The following NLGN2 variants were observed in gnomAD, a reference collection of about 807,000 sequenced individuals.
NLGN2 encodes the protein neuroligin 2.
Under a neutral mutation model 48.6 loss-of-function variants are expected in NLGN2, and 11 were observed. That is an observed-to-expected ratio of 0.23 (90% CI 0.14 to 0.37). The LOEUF is 0.37. NLGN2 is among the 10% of genes least tolerant of loss of function. The probability of loss-of-function intolerance (pLI) is 1.00; values close to 1 mark genes in which losing one functional copy is unlikely to be tolerated. For missense variants in NLGN2, 801 were observed against 1,225.2 expected (o/e 0.65, Z 5.17); for synonymous variants, 548 against 550.0 (o/e 1.00, Z 0.05).
upstream of NLGN2, chr17:7,405,551 G>T (rs916993797): frequency 1.3e-5 from 2 of 152,148 alleles, no homozygotes; most frequent in Non-Finnish European, 2.9e-5. The surrounding 1 kb of genome is among the most constrained non-coding windows in gnomAD (Gnocchi z 6.8). Context: ...CCTCCCGAAG[G>T]CCTTTCGCCC....
Position 7,417,631 on chromosome 17 carries a change from G to C in NLGN2, c.2340G>C (p.Val780=). Residue 780 remains valine (V), a synonymous_variant, in exon 7 of 7, where the codon GTG becomes GTC. Coordinates refer to ENST00000302926, the MANE Select transcript of NLGN2 (RefSeq NM_020795.4). ...CCCTGCGCCGGGCACCGGACGATGT[G>C]CCTCTCTTGGCCCCCGGGGCCCTGA... is the stretch of plus-strand genomic sequence containing the variant. ...TLALRRAPDD[V]PLLAPGALTL... is the part of the protein sequence containing the mutation. The C allele has an allele frequency of 7.1e-7, 1 of 1,412,094 alleles. No individual in the cohort carries two copies. The highest frequency in any genetic ancestry group is 9.2e-7 in the Non-Finnish European group (1 of 1,092,612). 87.5% of individuals were successfully genotyped at this position (1,412,094 alleles called of 1,614,324 possible). A position where few individuals can be genotyped will look rare whatever the true frequency, so the allele number is the denominator to read the frequency against.
At position 7,415,037 on chromosome 17, in the gene NLGN2, G is replaced by A; in HGVS notation, c.926G>A (p.Arg309Gln). 1.9e-6 allele frequency: 3 copies of A among 1,613,412 alleles called. No individual in the cohort carries two copies. The highest frequency in any genetic ancestry group is 1.3e-5 in the African/African-American group (1 of 75,070). The change falls in exon 5 of 7, where the codon CGG (arginine) becomes CAG (glutamine). Residue 309 changes from arginine (R) to glutamine (Q), a missense_variant. Physicochemically the swap from Arg to Gln is conservative, Grantham distance 43. Around this residue, in one of 5 missense-constraint regions of NLGN2, gnomAD observed 303 missense variants for 600.1 expected, o/e 0.50. Coordinates refer to ENST00000302926, the MANE Select transcript of NLGN2 (RefSeq NM_020795.4). Reference protein sequence around the residue: ...SVNYQPLKYTRLLAAKVGCDR... With the variant: ...SVNYQPLKYTQLLAAKVGCDR... Reference sequence around the variant, plus strand: ...AACTACCAGCCGCTCAAGTACACGCGGCTGCTGGCAGCCAAGGTGGGCTGT... The same window carrying A: ...AACTACCAGCCGCTCAAGTACACGCAGCTGCTGGCAGCCAAGGTGGGCTGT...
chr17:7,415,186 G>T (rs756319395), intron 5 of NLGN2, 38 bp downstream of exon 5: 10 of 1,542,620 alleles, frequency 6.5e-6, no homozygotes, highest in Admixed American at 1.8e-5. Flanking sequence ...GGCCTTCAAG[G>T]TTCCAAGGAG....
At chr17:7,412,731 AT>A (rs1216418740) in intron 2 of NLGN2, among the ~76,000 whole-genome samples, 2 of 152,030 alleles carry the variant, frequency 1.3e-5, no homozygotes, top group Non-Finnish European at 2.9e-5. Flanking sequence ...GAATTTGACA[AT>A]TTTTTAAAAC....
At position 7,408,429 on chromosome 17, in the gene NLGN2, C is replaced by A; in HGVS notation, c.174C>A (p.Leu58=). Residue 58 remains leucine (L), a synonymous_variant, in exon 1 of 7, where the codon CTC becomes CTA. Coordinates refer to ENST00000302926, the MANE Select transcript of NLGN2 (RefSeq NM_020795.4). This position sits in a 1 kb window ranked among gnomAD's most constrained non-coding sequence, Gnocchi z 7.5. ...YGRVRGVRRE[L]NNEILGPVVQ... ...GAGTGCGCGGTGTGCGGCGCGAGCT[C>A]AACAACGAGATCCTGGGCCCCGTCG... is the stretch of plus-strand genomic sequence containing the variant. 1 of 1,570,166 alleles carries A rather than the reference C, an allele frequency of 6.4e-7. No individual in the cohort carries two copies.
At position 7,414,820 on chromosome 17, in the gene NLGN2, C is replaced by T; in HGVS notation, c.816C>T (p.Asn272=). Residue 272 remains asparagine, a synonymous_variant, in exon 4 of 7, where the codon AAC becomes AAT. Coordinates refer to ENST00000302926, the MANE Select transcript of NLGN2 (RefSeq NM_020795.4). ...CCGGGGCAGGGGCCTCCTGCGTCAACCTTCTGATCCTCTCCCACCATTCAG... is the reference window on the plus strand; with the variant it reads ...CCGGGGCAGGGGCCTCCTGCGTCAATCTTCTGATCCTCTCCCACCATTCAG... ...FGSGAGASCV[N]LLILSHHSEG... 6.2e-7 allele frequency: 1 copy of T among 1,614,222 alleles called. No individual in the cohort carries two copies. Among genetic ancestry groups the T allele is most frequent in the Non-Finnish European group, 8.5e-7 (1 of 1,180,038 alleles).
At chr17:7,405,992 A>G (rs1443185647), upstream of NLGN2, among the ~76,000 whole-genome samples, 1 of 152,100 alleles carries the variant, frequency 6.6e-6, no homozygotes, top group Non-Finnish European at 1.5e-5. This position sits in a 1 kb window ranked among gnomAD's most constrained non-coding sequence, Gnocchi z 6.8. Context: ...GATAGGGAGA[A>G]GGAGGAGGGA....
chr17:7,406,220 G>T (rs1176658594), upstream of NLGN2, among the ~76,000 whole-genome samples: 1 of 152,108 alleles, frequency 6.6e-6, no homozygotes, highest in African/African-American at 2.4e-5. Context: ...AGCTGGAAGA[G>T]GCCCACAAAA....
rs1906712103 is a variant in NLGN2, at chr17:7,407,996, G to C, written c.-260G>C. 2 of 329,394 alleles carry C rather than the reference G, an allele frequency of 6.1e-6. No homozygotes were observed. Among genetic ancestry groups the C allele is most frequent in the Admixed American group, 1.0e-4 (2 of 20,002 alleles). 20.4% of individuals were successfully genotyped at this position (329,394 alleles called of 1,614,324 possible). A position where few individuals can be genotyped will look rare whatever the true frequency, so the allele number is the denominator to read the frequency against. ...TGTATCCTGCCTCCCTGCCCCTCTC[G>C]CTCCACCCCCCGCAGGTCGGGCCTG... On this transcript the variant is annotated 5_prime_UTR_variant, in exon 1 of 7. Transcript: ENST00000302926.
rs1434184285 is a variant in NLGN2 at position 7,407,846 on chromosome 17, C to T, written c.-410C>T. Among the ~76,000 whole-genome samples the T allele has an allele frequency of 6.6e-6, 1 of 152,070 alleles. No homozygotes were observed. The highest frequency in any genetic ancestry group is 2.4e-5 in the African/African-American group (1 of 41,398). The stretch of plus-strand genomic sequence containing the variant: ...GGGGCCTGTGGGTGGGAGAAGGGGG[C>T]AACTTGGTCTGAATTCCAGGTCACT... On this transcript the variant is annotated 5_prime_UTR_variant, in exon 1 of 7. Transcript: ENST00000302926.
rs139407430 is a variant in NLGN2 at position 7,417,412 on chromosome 17, G to T, written c.2121G>T (p.Leu707=). 827 of 1,607,808 alleles carry T rather than the reference G, an allele frequency of 5.1e-4. 6 individuals carry two copies. In the African/African-American group the frequency reaches 9.5e-3, roughly 19 times the overall value. ...LYYKRDRRQE[L]RCRRLSPPGG... is the part of the protein sequence containing the mutation. ...ACAAGCGGGACCGGCGGCAGGAGCT[G>T]CGGTGCAGGCGGCTTAGCCCACCTG... Residue 707 remains leucine (L), a synonymous_variant, in exon 7 of 7, where the codon CTG becomes CTT. Transcript: ENST00000302926.
At chr17:7,409,856 T>G (rs1297982554) in intron 1 of NLGN2, among the ~76,000 whole-genome samples, 2 of 152,232 alleles carry the variant, frequency 1.3e-5, no homozygotes, top group East Asian at 3.9e-4. Context: ...TTCCCAGTAC[T>G]TTCATATCAC....
In NLGN2 at chr17:7,414,468, G is replaced by T. The variant is rs1020500899; in HGVS notation, c.633G>T (p.Thr211=). Residue 211 remains threonine (T), a synonymous_variant, in exon 3 of 7, where the codon ACG becomes ACT. Coordinates refer to ENST00000302926, the MANE Select transcript of NLGN2 (RefSeq NM_020795.4). Reference sequence around the variant, plus strand: ...CCTATGGCAACGTCATTGTAGCCACGCTCAACTACCGTCTTGGGGTGCTCG... The same window carrying T: ...CCTATGGCAACGTCATTGTAGCCACTCTCAACTACCGTCTTGGGGTGCTCG... ...LAAYGNVIVA[T]LNYRLGVLGF... 3 of 1,614,018 alleles carry T rather than the reference G, an allele frequency of 1.9e-6. No homozygotes were observed. Among genetic ancestry groups the T allele is most frequent in the African/African-American group, 2.7e-5 (2 of 74,930 alleles).
In NLGN2 at chr17:7,408,241, G is replaced by A. The variant is rs1048656470; in HGVS notation, c.-15G>A. On this transcript the variant is annotated 5_prime_UTR_variant, in exon 1 of 7. Coordinates refer to ENST00000302926, the MANE Select transcript of NLGN2 (RefSeq NM_020795.4). This position sits in a 1 kb window ranked among gnomAD's most constrained non-coding sequence, Gnocchi z 7.5. Reference sequence around the variant, plus strand: ...GGGGGGGTCCCAGGGAGGGAGGGGGGGTCCCCCGATCAGCATGTGGCTCCT... The same window carrying A: ...GGGGGGGTCCCAGGGAGGGAGGGGGAGTCCCCCGATCAGCATGTGGCTCCT... The A allele has an allele frequency of 1.0e-5, 13 of 1,261,166 alleles. No homozygotes were observed. The highest frequency in any genetic ancestry group is 3.0e-4 in the Middle Eastern group (1 of 3,376). 78.1% of individuals were successfully genotyped at this position (1,261,166 alleles called of 1,614,324 possible). A position where few individuals can be genotyped will look rare whatever the true frequency, so the allele number is the denominator to read the frequency against.
Position 7,408,511 on chromosome 17 carries a change from C to G in NLGN2, c.256C>G (p.Pro86Ala). 6.6e-7 allele frequency: 1 copy of G among 1,513,912 alleles called. No individual in the cohort carries two copies. The highest frequency in any genetic ancestry group is 8.8e-7 in the Non-Finnish European group (1 of 1,137,586). The allele number at this position is 1,513,912 out of a possible 1,614,324, so 93.8% of individuals were successfully genotyped here. Residue 86 changes from proline (P) to alanine (A), a missense_variant, in exon 1 of 7, where the codon CCG (proline) becomes GCG (alanine). Physicochemically the swap from Pro to Ala is conservative, Grantham distance 27. Coordinates refer to ENST00000302926, the MANE Select transcript of NLGN2 (RefSeq NM_020795.4). The surrounding 1 kb of genome is among the most constrained non-coding windows in gnomAD (Gnocchi z 7.5). ...TPPLGARRFQ[P>A]PEAPASWPGV... ...GCCCCTGGGCGCCCGCCGCTTCCAGCCGCCTGAGGCGCCCGCCTCGTGGCC... is the reference window on the plus strand; with the variant it reads ...GCCCCTGGGCGCCCGCCGCTTCCAGGCGCCTGAGGCGCCCGCCTCGTGGCC...
rs1312183276 is a variant in NLGN2 at position 7,415,974 on chromosome 17, G to A, written c.1501G>A (p.Gly501Arg). ...GRPEWADAAH[G>R]DELPYVFGVP... ...GCCTGAGTGGGCAGATGCGGCGCAC[G>A]GGGATGAACTGCCCTATGTCTTTGG... Residue 501 changes from glycine to arginine, a missense_variant, in exon 6 of 7, where the codon GGG becomes AGG. This residue lies in a region of NLGN2 where 303 missense variants were observed against 600.1 expected (regional missense o/e 0.50). Transcript: ENST00000302926. The A allele has an allele frequency of 1.2e-6, 2 of 1,614,068 alleles. No homozygotes were observed. The highest frequency in any genetic ancestry group is 2.2e-5 in the East Asian group (1 of 44,902).
intron 2 of NLGN2, among the ~76,000 whole-genome samples, chr17:7,414,125 G>T (rs551089919): frequency 6.6e-6 from 1 of 152,020 alleles, no homozygotes; most frequent in Non-Finnish European, 1.5e-5. Flanking sequence ...GAGAAGTGCC[G>T]CGGGGAAGGC....
rs980503012 is a variant in NLGN2, at chr17:7,408,195, C to G, written c.-61C>G. 1.2e-5 allele frequency: 11 copies of G among 945,132 alleles called. No individual in the cohort carries two copies. Among genetic ancestry groups the G allele is most frequent in the African/African-American group, 3.5e-5 (2 of 57,098 alleles). The allele number at this position is 945,132 out of a possible 1,614,324, so 58.5% of individuals were successfully genotyped here. A position where few individuals can be genotyped will look rare whatever the true frequency, so the allele number is the denominator to read the frequency against. On this transcript the variant is annotated 5_prime_UTR_variant, in exon 1 of 7. Coordinates refer to ENST00000302926, the MANE Select transcript of NLGN2 (RefSeq NM_020795.4). This position sits in a 1 kb window ranked among gnomAD's most constrained non-coding sequence, Gnocchi z 7.5. Reference sequence around the variant, plus strand: ...AGGGGGGCCTCCCTCCCTCTCCCCCCCTTCTCTCTCTCTCCGAGGGGGGGG... The same window carrying G: ...AGGGGGGCCTCCCTCCCTCTCCCCCGCTTCTCTCTCTCTCCGAGGGGGGGG...
At position 7,417,621 on chromosome 17, in the gene NLGN2, C is replaced by T. The variant is rs770195731; in HGVS notation, c.2330C>T (p.Pro777Leu). Reference sequence around the variant, plus strand: ...TACACCCTGGCCCTGCGCCGGGCACCGGACGATGTGCCTCTCTTGGCCCCC... The same window carrying T: ...TACACCCTGGCCCTGCGCCGGGCACTGGACGATGTGCCTCTCTTGGCCCCC... ...PDYTLALRRA[P>L]DDVPLLAPGA... Residue 777 changes from proline (P) to leucine (L), a missense_variant, in exon 7 of 7, where the codon CCG becomes CTG. Physicochemically the swap from Pro to Leu is moderately conservative, Grantham distance 98. Coordinates refer to ENST00000302926, the MANE Select transcript of NLGN2 (RefSeq NM_020795.4). 2.8e-6 allele frequency: 4 copies of T among 1,416,418 alleles called. No individual in the cohort carries two copies. Among genetic ancestry groups the T allele is most frequent in the Admixed American group, 2.9e-5 (1 of 34,164 alleles). The allele number at this position is 1,416,418 out of a possible 1,614,324, so 87.7% of individuals were successfully genotyped here. A position where few individuals can be genotyped will look rare whatever the true frequency, so the allele number is the denominator to read the frequency against.
Sources: allele counts gnomAD v4.1 joint callset (sites outside exome capture counted in the v4.1 genomes callset), GRCh38; gene constraint gnomAD v4.1.1; regional missense constraint gnomAD v4.1.1; non-coding constraint Gnocchi (gnomAD v3.1); transcripts MANE v1.5; gene names NCBI Gene and HGNC (gene_info 2026-07-23, HGNC 2026-07-21).